Variants in RPH3A observed in about 807,000 individuals in gnomAD.
RPH3A encodes rabphilin 3A, also known as rabphilin-3A.
Under a neutral mutation model 102.2 loss-of-function variants are expected in RPH3A, and 48 were observed. The observed-to-expected ratio is 0.47, with a 90% confidence interval of 0.37 to 0.60. RPH3A has a LOEUF of 0.60. RPH3A is among the 20% of genes least tolerant of loss of function. The pLI, the probability that RPH3A is intolerant of heterozygous loss-of-function variation, is 0.00. For synonymous variants in RPH3A, 310 were observed against 324.3 expected (o/e 0.96, Z 0.47); for missense variants, 781 against 910.1 (o/e 0.86, Z 1.83).
At chr12:112,645,409 A>G (rs2039921595) in intron 1 of RPH3A, among the ~76,000 whole-genome samples, 1 of 152,226 alleles carries the variant, frequency 6.6e-6, no homozygotes, top group African/African-American at 2.4e-5. Flanking sequence ...TAAATCACCC[A>G]GGCACATTAT....
chr12:112,637,517 A>G (rs929377855), intron 1 of RPH3A, among the ~76,000 whole-genome samples: 4 of 152,172 alleles, frequency 2.6e-5, no homozygotes, highest in African/African-American at 9.7e-5. Flanking sequence ...TAAGCAATAA[A>G]CATACACAAT....
chr12:112,745,644 T>C (rs2040740436), intron 1 of RPH3A, among the ~76,000 whole-genome samples: 1 of 152,224 alleles, frequency 6.6e-6, no homozygotes, highest in Non-Finnish European at 1.5e-5. Context: ...TGAATTCAGC[T>C]CATCTTACCA....
At chr12:112,694,273 G>C (rs551287398) in intron 1 of RPH3A, among the ~76,000 whole-genome samples, 77 of 152,318 alleles carry the variant, frequency 5.1e-4, no homozygotes, top group Non-Finnish European at 1.0e-3. Flanking sequence ...AGGATGCAGG[G>C]AGTGTCTGAG....
At chr12:112,882,333 A>G (rs2042928917) in intron 15 of RPH3A, among the ~76,000 whole-genome samples, 1 of 151,516 alleles carries the variant, frequency 6.6e-6, no homozygotes, top group African/African-American at 2.4e-5. Flanking sequence ...GCATTGCTTT[A>G]CTCTGGGGTT....
At chr12:112,853,310 G>C (rs2042354304) in intron 5 of RPH3A, among the ~76,000 whole-genome samples, 1 of 152,200 alleles carries the variant, frequency 6.6e-6, no homozygotes, top group Non-Finnish European at 1.5e-5. Context: ...ACATTCTATG[G>C]ATGGGAGTCA....
Position 112,868,410 on chromosome 12 carries a change from C to T in RPH3A, c.445-20C>T, listed in dbSNP as rs762554247. 6.2e-7 allele frequency: 1 copy of T among 1,607,852 alleles called. No individual in the cohort carries two copies. Among genetic ancestry groups the T allele is most frequent in the South Asian group, 1.1e-5 (1 of 90,802 alleles). On this transcript the variant is annotated intron_variant, in intron 7 of 21. Transcript: ENST00000389385. ...AGCGCTTGGCTGCCACATCTTCAAT[C>T]CCTGTCTCTCCTCCCCAAGGTGTGG... is the stretch of plus-strand genomic sequence containing the variant.
rs60249683 is a variant in RPH3A at position 112,694,683 on chromosome 12, CAGAG to C, written c.-139-97444_-139-97441del. Reference sequence around the variant, plus strand: ...ACACACACACACACACACACACACACAGAGAGAGAGAGAGAGAGATTCTGTTTAC... The same window carrying C: ...ACACACACACACACACACACACACACAGAGAGAGAGAGAGATTCTGTTTAC... On this transcript the variant is annotated intron_variant, in intron 1 of 21. Transcript: ENST00000543106. 7.7e-3 allele frequency among the ~76,000 whole-genome samples: 800 copies of C among 103,280 alleles called. 3 individuals are homozygous for C. The highest frequency in any genetic ancestry group is 0.022 in the African/African-American group (590 of 26,700). 67.8% of individuals were successfully genotyped at this position (103,280 alleles called of 152,430 possible).
chr12:112,685,092 A>G (rs2040254013), intron 1 of RPH3A, among the ~76,000 whole-genome samples: 1 of 152,140 alleles, frequency 6.6e-6, no homozygotes, highest in Non-Finnish European at 1.5e-5. Context: ...GCATGCCACC[A>G]TGCCTGGTTA....
At chr12:112,810,465 T>G (rs780830613) in intron 2 of RPH3A, among the ~76,000 whole-genome samples, 8 of 152,234 alleles carry the variant, frequency 5.3e-5, no homozygotes, top group Non-Finnish European at 1.2e-4. Context: ...CTGATCAGAC[T>G]TCAGAAAGGC....
At position 112,671,909 on chromosome 12, in the gene RPH3A, TAC is replaced by T. The variant is rs537159149; in HGVS notation, c.-140+96598_-140+96599del. On this transcript the variant is annotated intron_variant, in intron 1 of 21. Coordinates refer to the RPH3A transcript ENST00000543106. ...CACACACACCCCAATAGGATATATATACACACACATACATACATATATATGTA... is the reference window on the plus strand; with the variant it reads ...CACACACACCCCAATAGGATATATATACACACATACATACATATATATGTA... Among the ~76,000 whole-genome samples the T allele has an allele frequency of 1.3e-4, 19 of 151,712 alleles. No individual in the cohort carries two copies. In the South Asian group the frequency reaches 4.0e-3, roughly 32 times the overall value.
chr12:112,667,662 AAGAGAGAGAGAGAGAGAGAG>A (rs71086114), intron 1 of RPH3A, among the ~76,000 whole-genome samples: 1,215 of 72,826 alleles, frequency 0.017, 31 homozygotes, highest in African/African-American at 0.041. Context: ...GAGATGAATA[AAGAGAGAGAGAGAGAGAGAG>A]AGAGAGAGAG....
At chr12:112,687,314 A>G (rs911186881) in intron 1 of RPH3A, among the ~76,000 whole-genome samples, 4 of 152,032 alleles carry the variant, frequency 2.6e-5, no homozygotes, top group African/African-American at 4.8e-5. Context: ...GCATGCCTAT[A>G]TTTACCTTCG....
chr12:112,819,976 G>T (rs1314088570), intron 2 of RPH3A, among the ~76,000 whole-genome samples: 2 of 152,220 alleles, frequency 1.3e-5, no homozygotes, highest in African/African-American at 4.8e-5. Context: ...GATTCCGTGG[G>T]TGGGGAAATA....
intron 1 of RPH3A, among the ~76,000 whole-genome samples, chr12:112,659,083 A>G (rs751306052): frequency 9.9e-5 from 15 of 152,188 alleles, no homozygotes; most frequent in Non-Finnish European, 1.9e-4. Context: ...TTTTTTTCCC[A>G]CTGAATCACT....
chr12:112,792,347 TA>T (rs1336803078), intron 2 of RPH3A, 84 bp downstream of exon 2: 6 of 151,356 alleles, frequency 4.0e-5, no homozygotes, highest in Non-Finnish European at 1.5e-5. Context: ...GCTGGTGGGG[TA>T]AAGGGTAGTT....
intron 3 of RPH3A, chr12:112,831,898 G>A (rs1012948970): frequency 4.6e-6 from 2 of 431,534 alleles, no homozygotes; most frequent in Non-Finnish European, 9.2e-6. Context: ...GTGCTTAAGT[G>A]TGTATTTCTT....
chr12:112,866,528 G>A (rs1188920671), intron 6 of RPH3A, among the ~76,000 whole-genome samples: 1 of 152,160 alleles, frequency 6.6e-6, no homozygotes, highest in Non-Finnish European at 1.5e-5. Context: ...ATCCCACAGG[G>A]ACTCTTAAAG....
chr12:112,694,381 G>A (rs1042351322), intron 1 of RPH3A, among the ~76,000 whole-genome samples: 1 of 151,984 alleles, frequency 6.6e-6, no homozygotes, highest in Non-Finnish European at 1.5e-5. Flanking sequence ...GTGATTATCC[G>A]GCAAGTGCCC....
chr12:112,871,702 G>GTATATATA (rs3038113), intron 10 of RPH3A, among the ~76,000 whole-genome samples: 1 of 148,774 alleles, frequency 6.7e-6, no homozygotes, highest in East Asian at 1.9e-4. Flanking sequence ...TTTATATAGT[G>GTATATATA]TATATATATA....
Sources: gnomAD v4.1 joint callset for allele counts (sites outside exome capture counted in the v4.1 genomes callset) on GRCh38, gnomAD v4.1.1 for gene constraint, MANE v1.5 for transcripts, NCBI Gene and HGNC (gene_info 2026-07-23, HGNC 2026-07-21) for gene names.